Variants in CXADR observed in about 807,000 individuals in gnomAD.
CXADR encodes CXADR cell adhesion molecule.
In CXADR, 20 loss-of-function variants were observed where a neutral mutation model predicts 40.3. That is an observed-to-expected ratio of 0.50 (90% CI 0.35 to 0.72). The LOEUF (loss-of-function observed/expected upper bound fraction) is 0.72, where lower values mean the gene tolerates loss of function less well. Among genes scored for constraint, CXADR ranks in the 30% least tolerant of loss-of-function variants. The pLI is 0.01. For missense variants in CXADR, 332 were observed against 449.1 expected, an observed-to-expected ratio of 0.74 and a Z score of 2.36; for synonymous variants, 150 against 161.3, an observed-to-expected ratio of 0.93 and a Z score of 0.53.
chr21:17,568,540 G>C lies in CXADR; in HGVS notation c.*2848G>C, dbSNP rs575543944. 6.2e-6 allele frequency: 6 copies of C among 974,936 alleles called. No individual in the cohort carries two copies. The highest frequency in any genetic ancestry group is 7.3e-6 in the Non-Finnish European group (6 of 824,952). 60.4% of individuals were successfully genotyped at this position (974,936 alleles called of 1,614,324 possible). ...TAATTTGAAGAGAAATGTTACTGTA[G>C]AATATATAGTTCTGTACTTTTTTTT... On this transcript the variant is annotated 3_prime_UTR_variant, in exon 7 of 7. Coordinates refer to ENST00000284878, the MANE Select transcript of CXADR (RefSeq NM_001338.5).
chr21:17,604,877 T>G, the CXADR span: 1 of 1,613,982 alleles, frequency 6.2e-7, no homozygotes, highest in Non-Finnish European at 8.5e-7. Flanking sequence ...ACACCTCACA[T>G]GGGTCCACCC....
rs138660485 is a variant in CXADR, at chr21:17,538,702, G to A, written c.44-8325G>A. ...ATGGTGGCACATACCTGTAGTCCCAGCTCCTTGGGAGGCTGAGGCAGGAGA... is the reference window on the plus strand; with the variant it reads ...ATGGTGGCACATACCTGTAGTCCCAACTCCTTGGGAGGCTGAGGCAGGAGA... On this transcript the variant is annotated intron_variant, in intron 1 of 6. Coordinates refer to ENST00000284878, the MANE Select transcript of CXADR (RefSeq NM_001338.5). Among the ~76,000 whole-genome samples, 26 of 152,246 alleles carry A rather than the reference G, an allele frequency of 1.7e-4. 1 individual carries two copies. In the East Asian group the frequency reaches 5.0e-3, roughly 29 times the overall value.
chr21:17,570,238 G>T, downstream of CXADR: 2 of 941,596 alleles, frequency 2.1e-6, no homozygotes, highest in Non-Finnish European at 2.5e-6. Context: ...TAAAGATTGC[G>T]ACAATCATAT....
chr21:17,586,398 T>TGG (rs1231430867), intron 7 of CXADR, among the ~76,000 whole-genome samples: 1 of 126,386 alleles, frequency 7.9e-6, no homozygotes, highest in African/African-American at 3.0e-5. Context: ...ATATATATAA[T>TGG]GTGTATATAT....
chr21:17,583,064 T>G lies in CXADR; in HGVS notation c.1018-10088T>G, dbSNP rs568871675. 8.5e-5 allele frequency among the ~76,000 whole-genome samples: 13 copies of G among 152,326 alleles called. No homozygotes were observed. The South Asian group carries it at 2.7e-3, about 32-fold the overall frequency. ...GCAACCTGTTGGGAAATCATAGTCC[T>G]CTAACATTCACCAGTCTTTTAATCT... On this transcript the variant is annotated intron_variant, in intron 7 of 7. Coordinates refer to the CXADR transcript ENST00000400169.
the CXADR span, among the ~76,000 whole-genome samples, chr21:17,631,048 T>C: frequency 6.6e-6 from 1 of 152,160 alleles, no homozygotes; most frequent in East Asian, 1.9e-4. Context: ...AATTTGAGAT[T>C]CTCTAAGATA....
chr21:17,528,030 T>C (rs1347167513), intron 1 of CXADR, among the ~76,000 whole-genome samples: 6 of 151,100 alleles, frequency 4.0e-5, no homozygotes, highest in Non-Finnish European at 8.8e-5. Context: ...TTTTTAGCAA[T>C]TTTACTTAGG....
chr21:17,547,026 G>T lies in CXADR; in HGVS notation c.44-1G>T. The T allele has an allele frequency of 6.2e-7, 1 of 1,612,238 alleles. No individual in the cohort carries two copies. The highest frequency in any genetic ancestry group is 2.2e-5 in the East Asian group (1 of 44,866). ...AGTCCCTTGTACATTTCTTTCTCTA[G>T]ATTTCGCCAGAAGTTTGAGTATCAC... On this transcript the variant is annotated splice_acceptor_variant, in intron 1 of 6. Coordinates refer to ENST00000284878, the MANE Select transcript of CXADR (RefSeq NM_001338.5). LOFTEE classifies it high-confidence loss of function.
chr21:17,575,718 C>T (rs967366768), intron 7 of CXADR, among the ~76,000 whole-genome samples: 2 of 150,636 alleles, frequency 1.3e-5, no homozygotes, highest in Non-Finnish European at 3.0e-5. Flanking sequence ...TGGTCTTGAT[C>T]TCCTGACCTC....
At chr21:17,604,012 T>C in the CXADR span, 1 of 661,042 alleles carries the variant, frequency 1.5e-6, no homozygotes, top group Non-Finnish European at 2.0e-6. Context: ...CCACAAATAA[T>C]GGTTTTTGAG....
chr21:17,628,973 A>G, the CXADR span, among the ~76,000 whole-genome samples: 1 of 152,158 alleles, frequency 6.6e-6, no homozygotes, highest in Non-Finnish European at 1.5e-5. Context: ...ATCTCATCCA[A>G]AAACACCCTC....
the CXADR span, among the ~76,000 whole-genome samples, chr21:17,615,989 G>A: frequency 1.3e-4 from 20 of 152,256 alleles, no homozygotes; most frequent in African/African-American, 4.6e-4. Flanking sequence ...GGTGGCTCAC[G>A]CCTGTAATCC....
the CXADR span, among the ~76,000 whole-genome samples, chr21:17,636,019 G>A: frequency 5.9e-5 from 9 of 152,196 alleles, no homozygotes; most frequent in Non-Finnish European, 8.8e-5. Context: ...ATCTTTTGTC[G>A]AATTTATCCT....
At chr21:17,586,386 A>G (rs1352784423) in intron 7 of CXADR, among the ~76,000 whole-genome samples, 3 of 138,022 alleles carry the variant, frequency 2.2e-5, no homozygotes, top group African/African-American at 8.0e-5. Context: ...ATGTGTGTAT[A>G]TATATATATA....
intron 1 of CXADR, among the ~76,000 whole-genome samples, chr21:17,517,852 G>C (rs908285857): frequency 2.6e-5 from 4 of 152,156 alleles, no homozygotes; most frequent in Non-Finnish European, 4.4e-5. Flanking sequence ...AGGAAAAAAG[G>C]CATTTAGGAA....
At chr21:17,575,542 G>A (rs2061315723) in intron 7 of CXADR, among the ~76,000 whole-genome samples, 1 of 149,926 alleles carries the variant, frequency 6.7e-6, no homozygotes, top group South Asian at 2.1e-4. Flanking sequence ...CCAGGCTGGA[G>A]TGCAGTGGCA....
chr21:17,529,182 G>A (rs1435695327), intron 1 of CXADR, among the ~76,000 whole-genome samples: 1 of 151,698 alleles, frequency 6.6e-6, no homozygotes, highest in Non-Finnish European at 1.5e-5. Context: ...GGGATTACAG[G>A]AGCCCGCCAC....
chr21:17,619,488 C>G, the CXADR span, among the ~76,000 whole-genome samples: 1 of 151,974 alleles, frequency 6.6e-6, no homozygotes, highest in Admixed American at 6.6e-5. Context: ...ACACAGGGGG[C>G]TGAGGCAGGA....
At chr21:17,540,057 G>A (rs2060807467) in intron 1 of CXADR, among the ~76,000 whole-genome samples, 1 of 152,182 alleles carries the variant, frequency 6.6e-6, no homozygotes, top group African/African-American at 2.4e-5. Context: ...ATGCCAGCAA[G>A]TTTGGTTTCT....
Sources: gnomAD v4.1 joint callset for allele counts (sites outside exome capture counted in the v4.1 genomes callset) on GRCh38, gnomAD v4.1.1 for gene constraint, MANE v1.5 for transcripts, NCBI Gene and HGNC (gene_info 2026-07-23, HGNC 2026-07-21) for gene names.